The following ELMO1 variants were observed in gnomAD, a reference collection of about 807,000 sequenced individuals.
ELMO1 encodes engulfment and cell motility 1.
Under a neutral mutation model 98.9 loss-of-function variants are expected in ELMO1, and 26 were observed. The observed-to-expected ratio is 0.26, with a 90% CI of 0.19 to 0.36. The LOEUF is 0.36. Among genes scored for constraint, ELMO1 ranks in the 10% least tolerant of loss-of-function variants. ELMO1 has a pLI of 1.00. For missense variants in ELMO1, 627 were observed against 935.2 expected, an observed-to-expected ratio of 0.67 and a Z score of 4.30; for synonymous variants, 346 against 346.0, an observed-to-expected ratio of 1.00 and a Z score of 0.00.
intron 14 of ELMO1, among the ~76,000 whole-genome samples, chr7:37,123,372 A>G (rs1369565632): frequency 6.6e-6 from 1 of 152,218 alleles, no homozygotes; most frequent in Admixed American, 6.5e-5. Flanking sequence ...AAGATCAACA[A>G]AACTGATAGA....
intron 2 of ELMO1, among the ~76,000 whole-genome samples, chr7:37,334,116 A>G (rs1311939980): frequency 6.6e-6 from 1 of 152,186 alleles, no homozygotes; most frequent in Non-Finnish European, 1.5e-5. Flanking sequence ...TCACTACACA[A>G]TGATCCTCTG....
chr7:37,225,038 T>G lies in ELMO1; in HGVS notation c.550-8A>C, dbSNP rs1468615210. 1 of 1,613,706 alleles carries G rather than the reference T, an allele frequency of 6.2e-7. No homozygotes were observed. Among genetic ancestry groups the G allele is most frequent in the Non-Finnish European group, 8.5e-7 (1 of 1,179,918 alleles). On this transcript the variant is annotated splice_polypyrimidine_tract_variant and splice_region_variant and intron_variant, in intron 8 of 21. Coordinates refer to ENST00000310758, the MANE Select transcript of ELMO1 (RefSeq NM_014800.11). ...GTTCACAAAACTTGCTATCTGAAAATCCAAGTGGGACACAATTGACTGCTC... is the reference window on the plus strand; with the variant it reads ...GTTCACAAAACTTGCTATCTGAAAAGCCAAGTGGGACACAATTGACTGCTC...
At chr7:37,398,993 T>G (rs6964474) in intron 1 of ELMO1, among the ~76,000 whole-genome samples, 50,679 of 152,058 alleles carry the variant, frequency 0.33, 10,290 homozygotes, top group African/African-American at 0.57. Context: ...GCCAATGCCT[T>G]CCTGGCACCT....
At chr7:37,340,077 T>C (rs188701536) in intron 2 of ELMO1, among the ~76,000 whole-genome samples, 126 of 152,198 alleles carry the variant, frequency 8.3e-4, no homozygotes, top group Non-Finnish European at 1.5e-3. Context: ...ACAATAAACA[T>C]AGTACATGAT....
At chr7:37,134,031 A>G (rs980959070) in intron 13 of ELMO1, among the ~76,000 whole-genome samples, 5 of 152,228 alleles carry the variant, frequency 3.3e-5, no homozygotes, top group Admixed American at 6.5e-5. Flanking sequence ...CAACGTCAGT[A>G]ATCATCAGAG....
At chr7:37,188,441 C>A (rs1404752833) in intron 13 of ELMO1, among the ~76,000 whole-genome samples, 1 of 36,574 alleles carries the variant, frequency 2.7e-5, no homozygotes, top group Admixed American at 3.2e-4. Context: ...CACACACACA[C>A]ACACACACAC....
At chr7:37,100,295 C>T (rs80324706) in intron 14 of ELMO1, among the ~76,000 whole-genome samples, 2,538 of 152,284 alleles carry the variant, frequency 0.017, 92 homozygotes, top group African/African-American at 0.058. Flanking sequence ...ATGACAATTC[C>T]TCATGGTGAG....
chr7:37,207,840 AAAACAAAC>A (rs542104398), intron 13 of ELMO1, among the ~76,000 whole-genome samples: 6 of 152,130 alleles, frequency 3.9e-5, no homozygotes, highest in East Asian at 1.9e-4. Context: ...AACTCTACCA[AAAACAAAC>A]AAACAAACAA....
At position 37,045,649 on chromosome 7, in the gene ELMO1, A is replaced by T. The variant is rs556862101; in HGVS notation, c.1301-32214T>A. 2.0e-4 allele frequency among the ~76,000 whole-genome samples: 30 copies of T among 152,288 alleles called. No homozygotes were observed. The East Asian group carries it at 4.4e-3, about 23-fold the overall frequency. ...ACTTGGGAGGAAGAAGAGGTTTTTT[A>T]AAAAAATATATATTTATGCAGTGCC... is the stretch of plus-strand genomic sequence containing the variant. On this transcript the variant is annotated intron_variant, in intron 15 of 21. Coordinates refer to ENST00000310758, the MANE Select transcript of ELMO1 (RefSeq NM_014800.11).
intron 13 of ELMO1, among the ~76,000 whole-genome samples, chr7:37,143,172 C>T (rs924690449): frequency 2.0e-5 from 3 of 152,158 alleles, no homozygotes; most frequent in African/African-American, 7.2e-5. Flanking sequence ...AAACTCCCAC[C>T]GGGTAGATGC....
rs1793729527 is a variant in ELMO1 at position 37,223,953 on chromosome 7, T to G, written c.701+926A>C. Among the ~76,000 whole-genome samples the G allele has an allele frequency of 3.6e-5, 5 of 139,750 alleles. No homozygotes were observed. The Admixed American group carries it at 3.8e-4, about 11-fold the overall frequency. The allele number at this position is 139,750 out of a possible 152,430, so 91.7% of individuals were successfully genotyped here. ...CCAATTGGGTTTCCTCTTGAGAATTTGTAATTGTGACCTAATGGACCAGGG... is the reference window on the plus strand; with the variant it reads ...CCAATTGGGTTTCCTCTTGAGAATTGGTAATTGTGACCTAATGGACCAGGG... On this transcript the variant is annotated intron_variant, in intron 9 of 21. Transcript: ENST00000310758.
intron 6 of ELMO1, among the ~76,000 whole-genome samples, chr7:37,249,596 C>A (rs1795225992): frequency 6.6e-6 from 1 of 152,078 alleles, no homozygotes; most frequent in Admixed American, 6.5e-5. Context: ...GAGTATTGAC[C>A]AAGGTATTGG....
intron 17 of ELMO1, among the ~76,000 whole-genome samples, chr7:36,892,430 G>A (rs2129053708): frequency 6.6e-6 from 1 of 151,288 alleles, no homozygotes; most frequent in East Asian, 2.0e-4. Flanking sequence ...CCAGTCTATG[G>A]TAAATCCCCC....
intron 14 of ELMO1, among the ~76,000 whole-genome samples, chr7:37,097,229 G>A (rs1784408181): frequency 6.6e-6 from 1 of 152,164 alleles, no homozygotes; most frequent in Non-Finnish European, 1.5e-5. Context: ...GTCCTTCCCT[G>A]AGACTTCATA....
intron 16 of ELMO1, among the ~76,000 whole-genome samples, chr7:36,908,347 C>T (rs4723595): frequency 0.49 from 74,186 of 152,026 alleles, 18,946 homozygotes; most frequent in African/African-American, 0.62. Flanking sequence ...GAAAAAAAAT[C>T]TCTGACTATA....
chr7:37,104,010 CAAAAAAAAAAAAAAAAAAAAAA>C (rs35979251), intron 14 of ELMO1, among the ~76,000 whole-genome samples: 3 of 29,004 alleles, frequency 1.0e-4, no homozygotes, highest in Non-Finnish European at 2.5e-4. Flanking sequence ...GACTCCATCT[CAAAAAAAAAAAAAAAAAAAAAA>C]AAAAAAAAAA....
intron 4 of ELMO1, among the ~76,000 whole-genome samples, chr7:37,288,491 C>T (rs1797513389): frequency 6.6e-6 from 1 of 152,222 alleles, no homozygotes; most frequent in Admixed American, 6.5e-5. Flanking sequence ...TCCCAAAGTG[C>T]TGGGATTACA....
chr7:37,249,634 A>G (rs1795228698), intron 6 of ELMO1, among the ~76,000 whole-genome samples: 2 of 152,370 alleles, frequency 1.3e-5, no homozygotes, highest in Non-Finnish European at 2.9e-5. Context: ...CAAGAATGGT[A>G]AAGTATAAAT....
chr7:36,931,867 G>C (rs531058539), intron 16 of ELMO1, among the ~76,000 whole-genome samples: 2 of 152,300 alleles, frequency 1.3e-5, no homozygotes, highest in Non-Finnish European at 2.9e-5. Flanking sequence ...ATAACCATCT[G>C]TGTGTGTTAA....
Sources: allele counts gnomAD v4.1 joint callset (sites outside exome capture counted in the v4.1 genomes callset), GRCh38; gene constraint gnomAD v4.1.1; transcripts MANE v1.5; gene names NCBI Gene and HGNC (gene_info 2026-07-23, HGNC 2026-07-21).